AGBL1: variants seen among roughly 807,000 people sequenced by gnomAD.
AGBL1 encodes AGBL carboxypeptidase 1, also known as cytosolic carboxypeptidase 4.
In AGBL1, 130 loss-of-function variants were observed where a neutral mutation model predicts 118.9. The observed-to-expected ratio is 1.09, with a 90% confidence interval of 0.95 to 1.26. AGBL1 has a LOEUF of 1.26. AGBL1 is among the 50% of genes most tolerant of loss of function. AGBL1 has a pLI of 0.00. For missense variants in AGBL1, 1,584 were observed against 1,298.1 expected (o/e 1.22, Z -3.38); for synonymous variants, 555 against 478.9 (o/e 1.16, Z -2.08).
intron 6 of AGBL1, among the ~76,000 whole-genome samples, chr15:86,234,353 C>T (rs1290508592): frequency 1.3e-5 from 2 of 151,932 alleles, no homozygotes; most frequent in African/African-American, 4.8e-5. Flanking sequence ...GAGTTCCAGA[C>T]CAGCCTGACC....
chr15:86,892,573 T>G (rs1483471829), intron 22 of AGBL1, among the ~76,000 whole-genome samples: 2 of 152,126 alleles, frequency 1.3e-5, no homozygotes, highest in Non-Finnish European at 2.9e-5. Context: ...TTCCAATTGT[T>G]AAGTAGGATT....
chr15:86,196,311 G>A (rs572767264), intron 5 of AGBL1, among the ~76,000 whole-genome samples: 3 of 152,166 alleles, frequency 2.0e-5, no homozygotes, highest in South Asian at 2.1e-4. Context: ...TTCCATCTTC[G>A]CCTCTGCCAT....
intron 22 of AGBL1, among the ~76,000 whole-genome samples, chr15:86,737,812 T>C (rs1270338803): frequency 1.3e-5 from 2 of 152,244 alleles, no homozygotes; most frequent in Non-Finnish European, 2.9e-5. Flanking sequence ...AAGCATTTGG[T>C]GTAAATGTGC....
intron 1 of AGBL1, among the ~76,000 whole-genome samples, chr15:86,093,822 A>C (rs1896185048): frequency 6.6e-6 from 1 of 152,166 alleles, no homozygotes; most frequent in African/African-American, 2.4e-5. Context: ...CTGGAAGGGA[A>C]GCAGAGAATG....
At position 86,685,797 on chromosome 15, in the gene AGBL1, C is replaced by G. The variant is rs535776793; in HGVS notation, c.3158+11361C>G. Among the ~76,000 whole-genome samples, 10 of 152,188 alleles carry G rather than the reference C, an allele frequency of 6.6e-5. No individual in the cohort carries two copies. The South Asian group carries it at 2.1e-3, about 32-fold the overall frequency. On this transcript the variant is annotated intron_variant, in intron 22 of 22. Transcript: ENST00000614907. Reference sequence around the variant, plus strand: ...AATCAAAGCTTTTTCTCTTTTATTTCTGAAACATATTGCAAATGATTCTGA... The same window carrying G: ...AATCAAAGCTTTTTCTCTTTTATTTGTGAAACATATTGCAAATGATTCTGA...
chr15:86,442,654 G>C (rs1030290529), intron 18 of AGBL1, among the ~76,000 whole-genome samples: 3 of 152,282 alleles, frequency 2.0e-5, no homozygotes, highest in Middle Eastern at 3.4e-3. Context: ...GAAAGAACTA[G>C]ATATAATAGT....
intron 23 of AGBL1, among the ~76,000 whole-genome samples, chr15:86,975,107 C>CAA (rs2081160433): frequency 6.6e-6 from 1 of 151,820 alleles, no homozygotes; most frequent in African/African-American, 2.4e-5. Context: ...TTGAGAGGAG[C>CAA]AAAGAGATAA....
chr15:86,893,873 A>G (rs1567227594), intron 22 of AGBL1, among the ~76,000 whole-genome samples: 1 of 152,298 alleles, frequency 6.6e-6, no homozygotes, highest in Non-Finnish European at 1.5e-5. Context: ...ATTTCTATGT[A>G]TATCATTTCA....
rs1453477222 is a variant in AGBL1, at chr15:86,915,544, G to T, written c.*8250G>T. The T allele has an allele frequency of 1.3e-5, 2 of 152,162 alleles. No individual in the cohort carries two copies. Among genetic ancestry groups the T allele is most frequent in the African/African-American group, 4.8e-5 (2 of 41,404 alleles). The allele number at this position is 152,162 out of a possible 1,614,324, so 9.4% of individuals were successfully genotyped here. A position where few individuals can be genotyped will look rare whatever the true frequency, so the allele number is the denominator to read the frequency against. Reference sequence around the variant, plus strand: ...TAGGCTCCTCCAAGAAGTCTCCCATGATCTGATTCTGAGTTCCTACTGTCA... The same window carrying T: ...TAGGCTCCTCCAAGAAGTCTCCCATTATCTGATTCTGAGTTCCTACTGTCA... On this transcript the variant is annotated 3_prime_UTR_variant, in exon 23 of 23. Transcript: ENST00000614907.
intron 21 of AGBL1, among the ~76,000 whole-genome samples, chr15:86,667,159 A>G (rs1005807105): frequency 4.6e-5 from 7 of 151,994 alleles, no homozygotes; most frequent in Non-Finnish European, 1.0e-4. Flanking sequence ...ATATTTTTAT[A>G]TATTTATATT....
intron 18 of AGBL1, among the ~76,000 whole-genome samples, chr15:86,405,409 G>A (rs2081510486): frequency 6.6e-6 from 1 of 152,046 alleles, no homozygotes; most frequent in East Asian, 1.9e-4. Context: ...CCAGCTACTT[G>A]GGAGGGTGAG....
intron 21 of AGBL1, among the ~76,000 whole-genome samples, chr15:86,568,322 C>A (rs1364149304): frequency 2.0e-5 from 3 of 152,058 alleles, no homozygotes; most frequent in African/African-American, 7.2e-5. Flanking sequence ...ACCTGTATTT[C>A]TAAAGGTATT....
chr15:86,277,003 C>T (rs895280408), intron 15 of AGBL1, among the ~76,000 whole-genome samples: 3 of 152,140 alleles, frequency 2.0e-5, no homozygotes, highest in Non-Finnish European at 4.4e-5. Flanking sequence ...CTGGACAACT[C>T]CTGCTACAAG....
intron 22 of AGBL1, among the ~76,000 whole-genome samples, chr15:86,710,901 G>T (rs1053859948): frequency 1.3e-5 from 2 of 152,032 alleles, no homozygotes; most frequent in Non-Finnish European, 1.5e-5. Context: ...CTCAAATTTT[G>T]GATCTATAAA....
intron 22 of AGBL1, among the ~76,000 whole-genome samples, chr15:86,804,609 A>T (rs777583337): frequency 1.3e-5 from 2 of 152,192 alleles, no homozygotes; most frequent in Non-Finnish European, 2.9e-5. Context: ...ATCCTAAACT[A>T]AGCAATGCCA....
chr15:86,817,209 T>A (rs2078870551), intron 22 of AGBL1, among the ~76,000 whole-genome samples: 1 of 151,624 alleles, frequency 6.6e-6, no homozygotes, highest in African/African-American at 2.4e-5. Context: ...GCAGAATTGC[T>A]TGATCTCAGA....
At chr15:86,769,703 G>A (rs1190618999) in intron 22 of AGBL1, among the ~76,000 whole-genome samples, 1 of 151,912 alleles carries the variant, frequency 6.6e-6, no homozygotes, top group African/African-American at 2.4e-5. Flanking sequence ...ACTTTCCTTG[G>A]ACTTTACTAG....
intron 22 of AGBL1, among the ~76,000 whole-genome samples, chr15:86,874,018 T>C (rs1261245990): frequency 6.6e-6 from 1 of 152,140 alleles, no homozygotes; most frequent in Non-Finnish European, 1.5e-5. Context: ...TTTTCTCAGT[T>C]TTTAAATCTC....
At chr15:86,634,650 CTG>C (rs1280368293) in intron 21 of AGBL1, among the ~76,000 whole-genome samples, 2 of 152,016 alleles carry the variant, frequency 1.3e-5, no homozygotes, top group African/African-American at 2.4e-5. Context: ...CTGTACAACT[CTG>C]TGAATATCCT....
Sources: gnomAD v4.1 joint callset for allele counts (sites outside exome capture counted in the v4.1 genomes callset) on GRCh38, gnomAD v4.1.1 for gene constraint, MANE v1.5 for transcripts, NCBI Gene and HGNC (gene_info 2026-07-23, HGNC 2026-07-21) for gene names.